ATL1: variants seen among roughly 807,000 people sequenced by gnomAD.
ATL1 encodes the protein atlastin GTPase 1, also known as atlastin-1.
Under a neutral mutation model 75.5 loss-of-function variants are expected in ATL1, and 31 were observed. The observed-to-expected ratio is 0.41, with a 90% CI of 0.31 to 0.55. ATL1 has a LOEUF of 0.55. Ranked by LOEUF, ATL1 falls within the 20% of genes least tolerant of loss-of-function variation. ATL1 has a pLI of 0.27. For synonymous variants in ATL1, 226 were observed against 233.3 expected (o/e 0.97, Z 0.28); for missense variants, 405 against 662.6 (o/e 0.61, Z 4.27).
intron 10 of ATL1, 52 bp from the exon 11 acceptor site, chr14:50,623,125 G>C: frequency 6.6e-7 from 1 of 1,515,020 alleles, no homozygotes; most frequent in Non-Finnish European, 9.1e-7. Context: ...GCCTGTGGAA[G>C]TTTAATCAAT....
chr14:50,628,223 A>G lies in ATL1; in HGVS notation c.1312A>G (p.Ser438Gly). ...LYIQYIKHND[S>G]KNIFHAARTP... Reference sequence around the variant, plus strand: ...CATCCAATATATCAAGCACAATGATAGCAAAAATATCTTCCATGCAGCTCG... The same window carrying G: ...CATCCAATATATCAAGCACAATGATGGCAAAAATATCTTCCATGCAGCTCG... Residue 438 changes from serine (S) to glycine (G), a missense_variant, in exon 12 of 14, where the codon AGC (serine) becomes GGC (glycine). Ser to Gly is a moderately conservative substitution (Grantham distance 56, BLOSUM62 0). Coordinates refer to ENST00000358385, the MANE Select transcript of ATL1 (RefSeq NM_015915.5). 1.2e-6 allele frequency: 2 copies of G among 1,614,206 alleles called. No homozygotes were observed. Among genetic ancestry groups the G allele is most frequent in the Non-Finnish European group, 1.7e-6 (2 of 1,180,042 alleles).
chr14:50,606,340 A>C (rs961836086), intron 6 of ATL1, among the ~76,000 whole-genome samples: 18 of 151,958 alleles, frequency 1.2e-4, no homozygotes, highest in African/African-American at 4.3e-4. Flanking sequence ...TACAAAAATT[A>C]GTGTTGTTTA....
chr14:50,616,213 GGT>G (rs2039413631), intron 8 of ATL1, among the ~76,000 whole-genome samples: 1 of 151,968 alleles, frequency 6.6e-6, no homozygotes, highest in Non-Finnish European at 1.5e-5. Flanking sequence ...TTCCAGGGCT[GGT>G]CTCAAACTTC....
chr14:50,594,014 C>A, intron 5 of ATL1, 118 bp downstream of exon 5: 2 of 800,508 alleles, frequency 2.5e-6, no homozygotes, highest in Non-Finnish European at 4.2e-6. Context: ...TAAACAGGAA[C>A]TATTGGCCCA....
intron 1 of ATL1, among the ~76,000 whole-genome samples, chr14:50,566,132 G>A (rs953268280): frequency 4.6e-5 from 7 of 152,056 alleles, no homozygotes; most frequent in South Asian, 2.1e-4. Context: ...TGAGTAGCTG[G>A]GATTACAGGT....
At chr14:50,548,407 AG>A (rs2038661298) in intron 1 of ATL1, among the ~76,000 whole-genome samples, 1 of 152,202 alleles carries the variant, frequency 6.6e-6, no homozygotes, top group Admixed American at 6.5e-5. Flanking sequence ...CCACTGCCAC[AG>A]GATCCTTTTG....
In ATL1 at chr14:50,608,814, T is replaced by A. The variant is rs146554503; in HGVS notation, c.631-4445T>A. On this transcript the variant is annotated intron_variant, in intron 6 of 13. Transcript: ENST00000358385. The stretch of plus-strand genomic sequence containing the variant: ...AGCTAACATCTATTTTCAAAATACA[T>A]GTTTTAGCAAGAAATGTTCAAAATA... 4.3e-3 allele frequency among the ~76,000 whole-genome samples: 657 copies of A among 152,178 alleles called. 4 individuals carry two copies. The highest frequency in any genetic ancestry group is 0.014 in the African/African-American group (572 of 41,546).
At chr14:50,571,154 C>T (rs1270124896) in intron 1 of ATL1, among the ~76,000 whole-genome samples, 1 of 152,108 alleles carries the variant, frequency 6.6e-6, no homozygotes, top group Non-Finnish European at 1.5e-5. Flanking sequence ...GTGGGGTGTG[C>T]AACAAGGACA....
At chr14:50,611,027 C>A (rs61359025) in intron 6 of ATL1, among the ~76,000 whole-genome samples, 1,781 of 152,102 alleles carry the variant, frequency 0.012, 34 homozygotes, top group African/African-American at 0.041. Context: ...AAATTGGGCC[C>A]ATTCCTGGAA....
chr14:50,618,285 T>C (rs1283320138), intron 8 of ATL1, among the ~76,000 whole-genome samples: 2 of 152,184 alleles, frequency 1.3e-5, no homozygotes, highest in African/African-American at 2.4e-5. Context: ...TGAATACAGA[T>C]ACATGGCAGG....
chr14:50,623,349 T>A (rs558447313), intron 11 of ATL1, 101 bp downstream of exon 11: 1 of 919,526 alleles, frequency 1.1e-6, no homozygotes, highest in Non-Finnish European at 1.7e-6. Flanking sequence ...ACACATGCAA[T>A]GAGGTGGCTT....
Position 50,562,916 on chromosome 14 carries a change from G to T in ATL1, c.34+2617G>T, listed in dbSNP as rs1306483730. ...AGTATCTAATAGAATGCCTAACACA[G>T]TAGGCATTTAGTAACAGCAATAGTA... On this transcript the variant is annotated intron_variant, in intron 1 of 13. Coordinates refer to ENST00000358385, the MANE Select transcript of ATL1 (RefSeq NM_015915.5). Among the ~76,000 whole-genome samples the T allele has an allele frequency of 3.9e-5, 6 of 152,172 alleles. No homozygotes were observed. The East Asian group carries it at 1.2e-3, about 29-fold the overall frequency.
At chr14:50,548,954 G>A (rs34760140) in intron 1 of ATL1, among the ~76,000 whole-genome samples, 11,506 of 152,220 alleles carry the variant, frequency 0.076, 573 homozygotes, top group Non-Finnish European at 0.11. Flanking sequence ...CCCATAAAAG[G>A]TGGGTGGAAG....
intron 1 of ATL1, among the ~76,000 whole-genome samples, chr14:50,549,381 A>T (rs2038674238): frequency 1.3e-5 from 2 of 152,148 alleles, no homozygotes; most frequent in Non-Finnish European, 2.9e-5. Flanking sequence ...GAACTGTGAG[A>T]CCTACTCACA....
chr14:50,605,067 A>G (rs2140218948), intron 6 of ATL1, among the ~76,000 whole-genome samples: 1 of 152,158 alleles, frequency 6.6e-6, no homozygotes, highest in Non-Finnish European at 1.5e-5. Flanking sequence ...TTTTCTTTTT[A>G]ATAAAAAAGA....
chr14:50,555,028 A>G (rs1566711464), intron 1 of ATL1, among the ~76,000 whole-genome samples: 1 of 152,226 alleles, frequency 6.6e-6, no homozygotes, highest in African/African-American at 2.4e-5. Context: ...CATATACGGT[A>G]TATTTATCAA....
At chr14:50,574,933 GTGTGTATA>G (rs1298243596) in intron 1 of ATL1, among the ~76,000 whole-genome samples, 1,859 of 45,470 alleles carry the variant, frequency 0.041, 22 homozygotes, top group East Asian at 0.14. Context: ...GTGTGTGTGT[GTGTGTATA>G]TATATATATA....
At chr14:50,560,551 C>A (rs2038826559) in intron 1 of ATL1, 1 of 539,212 alleles carries the variant, frequency 1.9e-6, no homozygotes, top group African/African-American at 1.9e-5. Flanking sequence ...TTCTTCCCCA[C>A]CCCCCTCCCG....
intron 1 of ATL1, among the ~76,000 whole-genome samples, chr14:50,583,772 T>C (rs2039077344): frequency 6.6e-6 from 1 of 152,204 alleles, no homozygotes; most frequent in Non-Finnish European, 1.5e-5. Flanking sequence ...CCATATTATA[T>C]ACAGTAACTT....
Sources: gnomAD v4.1 joint callset for allele counts (sites outside exome capture counted in the v4.1 genomes callset) on GRCh38, gnomAD v4.1.1 for gene constraint, MANE v1.5 for transcripts, NCBI Gene and HGNC (gene_info 2026-07-23, HGNC 2026-07-21) for gene names.